Variants in TAS2R1 observed in about 807,000 individuals in gnomAD.
TAS2R1 encodes the protein taste 2 receptor member 1.
For missense variants in TAS2R1, 370 were observed against 353.4 expected (o/e 1.05, Z -0.38); for synonymous variants, 141 against 134.2 (o/e 1.05, Z -0.35).
chr5:9,727,409 C>A, the TAS2R1 span, among the ~76,000 whole-genome samples: 1 of 152,150 alleles, frequency 6.6e-6, no homozygotes, highest in African/African-American at 2.4e-5. Context: ...ACATTTTATC[C>A]TTCTCTATTT....
At chr5:9,731,387 G>A in the TAS2R1 span, among the ~76,000 whole-genome samples, 6 of 152,132 alleles carry the variant, frequency 3.9e-5, no homozygotes, top group Admixed American at 6.5e-5. Flanking sequence ...CCTCCTCCTC[G>A]TGTCTTCTGT....
At chr5:9,675,132 T>C (rs934902571) in intron 1 of TAS2R1, among the ~76,000 whole-genome samples, 3 of 149,116 alleles carry the variant, frequency 2.0e-5, no homozygotes, top group Non-Finnish European at 3.0e-5. Context: ...ATCTAATATA[T>C]ATATGTAATT....
At chr5:9,660,901 G>A (rs1184527688) in intron 1 of TAS2R1, among the ~76,000 whole-genome samples, 1 of 152,154 alleles carries the variant, frequency 6.6e-6, no homozygotes, top group Non-Finnish European at 1.5e-5. Flanking sequence ...GCTCAGGGCA[G>A]CCTTCACTTG....
At chr5:9,760,544 CATCA>C in the TAS2R1 span, among the ~76,000 whole-genome samples, 1 of 152,292 alleles carries the variant, frequency 6.6e-6, no homozygotes, top group Non-Finnish European at 1.5e-5. Flanking sequence ...AACATTCAGA[CATCA>C]ATCATTGTGG....
At chr5:9,812,978 T>A in the TAS2R1 span, among the ~76,000 whole-genome samples, 2 of 152,208 alleles carry the variant, frequency 1.3e-5, no homozygotes, top group Admixed American at 1.3e-4. Flanking sequence ...CTGTTGTGAG[T>A]TGAACTGTGT....
At chr5:9,799,592 C>T in the TAS2R1 span, among the ~76,000 whole-genome samples, 3 of 152,204 alleles carry the variant, frequency 2.0e-5, no homozygotes, top group Admixed American at 2.0e-4. Flanking sequence ...TCCCACCATA[C>T]CGTTTCACTG....
rs1028406587 is a variant in TAS2R1 at position 9,656,328 on chromosome 5, A to T, written c.-81+3093T>A. Among the ~76,000 whole-genome samples the T allele has an allele frequency of 2.6e-5, 4 of 152,356 alleles. No homozygotes were observed. The South Asian group carries it at 6.2e-4, about 24-fold the overall frequency. ...TTATAATGTTTTCTGAAGATGTAGT[A>T]GATGGAGTTCTCCAGAGCAACTGAA... On this transcript the variant is annotated intron_variant, in intron 2 of 2. Coordinates refer to the TAS2R1 transcript ENST00000506620.
chr5:9,875,389 G>A, the TAS2R1 span, among the ~76,000 whole-genome samples: 1 of 152,144 alleles, frequency 6.6e-6, no homozygotes, highest in Non-Finnish European at 1.5e-5. Flanking sequence ...GCAACTTCAG[G>A]TTTAGACTAG....
At chr5:9,885,857 G>T in the TAS2R1 span, among the ~76,000 whole-genome samples, 1 of 152,070 alleles carries the variant, frequency 6.6e-6, no homozygotes, top group East Asian at 1.9e-4. Flanking sequence ...AACTCGCACA[G>T]TGATCATTTG....
the TAS2R1 span, among the ~76,000 whole-genome samples, chr5:9,890,474 C>A: frequency 6.6e-6 from 1 of 152,106 alleles, no homozygotes; most frequent in East Asian, 1.9e-4. Context: ...TCATTATTAT[C>A]TTTTCTCCTC....
At chr5:9,850,748 G>T in the TAS2R1 span, among the ~76,000 whole-genome samples, 3 of 152,228 alleles carry the variant, frequency 2.0e-5, no homozygotes, top group Non-Finnish European at 4.4e-5. Flanking sequence ...CGGGGAGCAA[G>T]TGTGTACATC....
At chr5:9,834,164 G>A in the TAS2R1 span, among the ~76,000 whole-genome samples, 1 of 152,164 alleles carries the variant, frequency 6.6e-6, no homozygotes, top group Admixed American at 6.6e-5. Context: ...AACTGTTTCT[G>A]CGTCAAGCGC....
the TAS2R1 span, among the ~76,000 whole-genome samples, chr5:9,900,683 T>G: frequency 2.9e-3 from 419 of 145,730 alleles, 2 homozygotes; most frequent in Non-Finnish European, 5.2e-3. Context: ...TGCAGTGGCG[T>G]GATCTCGGCT....
chr5:9,730,297 C>T, the TAS2R1 span, among the ~76,000 whole-genome samples: 3,155 of 152,282 alleles, frequency 0.021, 101 homozygotes, highest in African/African-American at 0.069. Context: ...TCTCCTTAGA[C>T]CTCACAGTGA....
rs529694029 is a variant in TAS2R1 at position 9,628,782 on chromosome 5, T to C, written c.*351A>G. Among the ~76,000 whole-genome samples, 3 of 152,330 alleles carry C rather than the reference T, an allele frequency of 2.0e-5. No individual in the cohort carries two copies. The highest frequency in any genetic ancestry group is 4.4e-5 in the Non-Finnish European group (3 of 68,034). On this transcript the variant is annotated 3_prime_UTR_variant, in exon 1 of 1. Transcript: ENST00000382492. Reference sequence around the variant, plus strand: ...AAGTGCTTTTCTTTTTCATCAAACTTTTAATTTTGAAATAATTGTAGATTT... The same window carrying C: ...AAGTGCTTTTCTTTTTCATCAAACTCTTAATTTTGAAATAATTGTAGATTT...
chr5:9,697,974 T>C (rs1348109960), intron 1 of TAS2R1, among the ~76,000 whole-genome samples: 1 of 151,972 alleles, frequency 6.6e-6, no homozygotes, highest in Non-Finnish European at 1.5e-5. Flanking sequence ...AGGAAAATTA[T>C]TTAAAAAATT....
the TAS2R1 span, among the ~76,000 whole-genome samples, chr5:9,827,571 T>TACACACACACACACACACAC: frequency 6.7e-6 from 1 of 149,216 alleles, no homozygotes; most frequent in East Asian, 2.0e-4. Flanking sequence ...TCCATCCCTA[T>TACACACACACACACACACAC]ACACACACAC....
the TAS2R1 span, among the ~76,000 whole-genome samples, chr5:9,895,345 A>T: frequency 6.6e-6 from 1 of 152,240 alleles, no homozygotes; most frequent in Non-Finnish European, 1.5e-5. Context: ...CAGTTGTGAG[A>T]GAAAATAACT....
chr5:9,867,523 A>C, the TAS2R1 span, among the ~76,000 whole-genome samples: 4 of 152,286 alleles, frequency 2.6e-5, no homozygotes, highest in Non-Finnish European at 2.9e-5. Flanking sequence ...GCATGGGAGA[A>C]CCTGCCCCCA....
Sources: allele counts gnomAD v4.1 joint callset (sites outside exome capture counted in the v4.1 genomes callset), GRCh38; gene constraint gnomAD v4.1.1; transcripts MANE v1.5; gene names NCBI Gene and HGNC (gene_info 2026-07-23, HGNC 2026-07-21).